Variants in RAB27B observed in about 807,000 individuals in gnomAD.
RAB27B encodes ras-related protein Rab-27B.
Under a neutral mutation model 24.6 loss-of-function variants are expected in RAB27B, and 15 were observed. The observed-to-expected ratio is 0.61, with a 90% CI of 0.41 to 0.94. The LOEUF (loss-of-function observed/expected upper bound fraction) is 0.94, where lower values mean the gene tolerates loss of function less well. Among genes scored for constraint, RAB27B ranks in the 40% least tolerant of loss-of-function variants. The pLI is 0.00. For missense variants in RAB27B, 261 were observed against 266.8 expected (o/e 0.98, Z 0.15); for synonymous variants, 105 against 92.5 (o/e 1.14, Z -0.78).
chr18:54,774,012 G>A (rs377731855), intron 2 of RAB27B, among the ~76,000 whole-genome samples: 1 of 152,256 alleles, frequency 6.6e-6, no homozygotes, highest in South Asian at 2.1e-4. Flanking sequence ...GAATAGGTTA[G>A]TTAATTTAAC....
At chr18:54,726,983 T>TTTTG (rs1396449086) in intron 2 of RAB27B, among the ~76,000 whole-genome samples, 1 of 152,208 alleles carries the variant, frequency 6.6e-6, no homozygotes, top group Non-Finnish European at 1.5e-5. Flanking sequence ...GAGTTTCTAT[T>TTTTG]TTTGTTTGTT....
At chr18:54,725,679 GAA>G in intron 2 of RAB27B, among the ~76,000 whole-genome samples, 1 of 151,456 alleles carries the variant, frequency 6.6e-6, no homozygotes, top group Admixed American at 6.6e-5. Flanking sequence ...TAGTGAAGGG[GAA>G]AGCCCCTTAT....
intron 2 of RAB27B, among the ~76,000 whole-genome samples, chr18:54,787,960 TG>T (rs1274229776): frequency 6.6e-6 from 1 of 152,244 alleles, no homozygotes; most frequent in Admixed American, 6.5e-5. Context: ...TGAATCTACA[TG>T]GTCCCTGGTT....
intron 2 of RAB27B, among the ~76,000 whole-genome samples, chr18:54,823,345 C>T (rs1910369761): frequency 6.6e-6 from 1 of 152,190 alleles, no homozygotes; most frequent in Non-Finnish European, 1.5e-5. Flanking sequence ...CACACCCGTG[C>T]ATAACTTTCT....
At chr18:54,846,600 A>G (rs1256800524) in intron 1 of RAB27B, among the ~76,000 whole-genome samples, 8 of 152,204 alleles carry the variant, frequency 5.3e-5, no homozygotes, top group African/African-American at 1.7e-4. Flanking sequence ...AACCTTTGAT[A>G]CCTACCACAT....
At chr18:54,854,485 A>T (rs1397361480) in intron 1 of RAB27B, among the ~76,000 whole-genome samples, 1 of 152,240 alleles carries the variant, frequency 6.6e-6, no homozygotes, top group Non-Finnish European at 1.5e-5. Context: ...CTGCAAATCA[A>T]TGAAAGGCTT....
At chr18:54,764,800 G>A (rs1285672478) in intron 2 of RAB27B, among the ~76,000 whole-genome samples, 1 of 152,056 alleles carries the variant, frequency 6.6e-6, no homozygotes, top group Non-Finnish European at 1.5e-5. Context: ...CTACTCCAGG[G>A]AAGGTGTTTG....
intron 1 of RAB27B, among the ~76,000 whole-genome samples, chr18:54,850,335 T>C (rs2311123): frequency 0.043 from 1,179 of 27,136 alleles, 44 homozygotes; most frequent in East Asian, 0.3. Flanking sequence ...ACAAACAGGA[T>C]ATATATATAT....
chr18:54,754,156 A>G (rs1328745712), intron 2 of RAB27B, among the ~76,000 whole-genome samples: 1 of 145,836 alleles, frequency 6.9e-6, no homozygotes, highest in Non-Finnish European at 1.5e-5. Flanking sequence ...TCGTAAGGGC[A>G]ATTTCCCCCA....
chr18:54,792,389 C>G (rs114836878), intron 2 of RAB27B, among the ~76,000 whole-genome samples: 2,946 of 152,240 alleles, frequency 0.019, 100 homozygotes, highest in African/African-American at 0.067. Context: ...GAGCAAGATC[C>G]TATCTTAAAA....
chr18:54,806,926 G>A (rs1909808424), intron 2 of RAB27B, among the ~76,000 whole-genome samples: 1 of 151,628 alleles, frequency 6.6e-6, no homozygotes, highest in South Asian at 2.1e-4. Flanking sequence ...TTTATTTTTT[G>A]AGATGGAGTC....
chr18:54,771,425 C>T (rs1253618597), intron 2 of RAB27B, among the ~76,000 whole-genome samples: 1 of 151,998 alleles, frequency 6.6e-6, no homozygotes, highest in Non-Finnish European at 1.5e-5. Flanking sequence ...GATGAGAAGT[C>T]GAAGTGAGGT....
intron 1 of RAB27B, among the ~76,000 whole-genome samples, chr18:54,856,246 G>A (rs60512641): frequency 0.31 from 47,753 of 152,118 alleles, 9,041 homozygotes; most frequent in Non-Finnish European, 0.42. Flanking sequence ...TATGAAAGTC[G>A]GGGAGGAGGA....
intron 1 of RAB27B, among the ~76,000 whole-genome samples, chr18:54,841,171 T>TTG (rs1911105287): frequency 3.1e-4 from 3 of 9,642 alleles, no homozygotes; most frequent in Non-Finnish European, 1.2e-3. Flanking sequence ...GTGGGGGGTT[T>TTG]GGTGAGAGGG....
chr18:54,826,355 C>G (rs1479376976), upstream of RAB27B, among the ~76,000 whole-genome samples: 2 of 152,186 alleles, frequency 1.3e-5, no homozygotes, highest in Non-Finnish European at 2.9e-5. Flanking sequence ...TTATTCTGCT[C>G]TACCTCTGGT....
chr18:54,838,356 C>T (rs971122527), intron 1 of RAB27B, among the ~76,000 whole-genome samples: 2 of 152,096 alleles, frequency 1.3e-5, no homozygotes, highest in Non-Finnish European at 2.9e-5. Flanking sequence ...TCTGCCTCTT[C>T]TCTTCCCCTT....
At chr18:54,730,195 T>A (rs949021173) in intron 2 of RAB27B, among the ~76,000 whole-genome samples, 4 of 152,236 alleles carry the variant, frequency 2.6e-5, no homozygotes, top group Admixed American at 1.3e-4. Context: ...GTCACGTACA[T>A]CACTGTTTCC....
intron 1 of RAB27B, among the ~76,000 whole-genome samples, chr18:54,835,317 C>T (rs1324080239): frequency 2.0e-5 from 3 of 151,876 alleles, no homozygotes; most frequent in Non-Finnish European, 4.4e-5. Context: ...CTCCCAAATG[C>T]TGCAAAATAT....
intron 1 of RAB27B, among the ~76,000 whole-genome samples, chr18:54,852,831 C>T (rs1426779361): frequency 1.3e-5 from 2 of 152,186 alleles, no homozygotes; most frequent in Non-Finnish European, 2.9e-5. Context: ...ACTTAAAACA[C>T]TAAGGGTGAA....
Sources: allele counts gnomAD v4.1 joint callset (sites outside exome capture counted in the v4.1 genomes callset), GRCh38; gene constraint gnomAD v4.1.1; transcripts MANE v1.5; gene names NCBI Gene and HGNC (gene_info 2026-07-23, HGNC 2026-07-21).